Variants in CSN1S1 observed in about 807,000 individuals in gnomAD.
The protein encoded by CSN1S1 is casein alpha s1.
CSN1S1 carries 63 observed loss-of-function variants against 49.1 expected under a neutral mutation model. The ratio of observed to expected loss-of-function variants is 1.28; its 90% CI spans 1.05 to 1.58. The LOEUF (loss-of-function observed/expected upper bound fraction) is 1.58. Among genes scored for constraint, CSN1S1 ranks in the 40% most tolerant of loss-of-function variants. The pLI, the probability that CSN1S1 is intolerant of heterozygous loss-of-function variation, is 0.00. For synonymous variants in CSN1S1, 78 were observed against 67.1 expected, an observed-to-expected ratio of 1.16 and a Z score of -0.79; for missense variants, 260 against 224.7, an observed-to-expected ratio of 1.16 and a Z score of -1.01.
At chr4:69,945,349 C>T (rs779396397) in intron 15 of CSN1S1, among the ~76,000 whole-genome samples, 2 of 151,958 alleles carry the variant, frequency 1.3e-5, no homozygotes, top group Non-Finnish European at 2.9e-5. Flanking sequence ...TAAATGACTT[C>T]CTTCTGGTTA....
intron 9 of CSN1S1, among the ~76,000 whole-genome samples, chr4:69,938,603 A>C (rs1254387289): frequency 6.6e-6 from 1 of 151,756 alleles, no homozygotes; most frequent in Non-Finnish European, 1.5e-5. Flanking sequence ...ATTAAAATTA[A>C]TCTGTTAAAA....
intron 14 of CSN1S1, among the ~76,000 whole-genome samples, chr4:69,944,455 C>G (rs1391092110): frequency 1.3e-5 from 2 of 151,888 alleles, no homozygotes; most frequent in African/African-American, 4.8e-5. Context: ...TACTTTGACC[C>G]CAGTGGCTTT....
chr4:69,932,621 G>A lies in CSN1S1; in HGVS notation c.51+15G>A. The A allele has an allele frequency of 6.3e-7, 1 of 1,585,120 alleles. No homozygotes were observed. The highest frequency in any genetic ancestry group is 8.6e-7 in the Non-Finnish European group (1 of 1,162,564). On this transcript the variant is annotated intron_variant, in intron 2 of 15. Coordinates refer to ENST00000246891, the MANE Select transcript of CSN1S1 (RefSeq NM_001890.2). The stretch of plus-strand genomic sequence containing the variant: ...TTGCCAGGCCTGTAAGTTCAGTAGA[G>A]AATTTAGAAAGTCTTAGACTCTTGT...
chr4:69,931,308 TAC>T (rs1722599521), intron 1 of CSN1S1, among the ~76,000 whole-genome samples, 191 bp downstream of exon 1: 1 of 151,996 alleles, frequency 6.6e-6, no homozygotes, highest in Non-Finnish European at 1.5e-5. Context: ...GATGAATCAA[TAC>T]AGTTTTATAA....
chr4:69,932,439 A>T, intron 1 of CSN1S1, 105 bp from the exon 2 acceptor site: 2 of 905,106 alleles, frequency 2.2e-6, no homozygotes, highest in Non-Finnish European at 3.5e-6. Flanking sequence ...AAATCAGCCT[A>T]CTTTTATCAT....
chr4:69,931,910 A>T (rs573860318), intron 1 of CSN1S1, among the ~76,000 whole-genome samples: 1 of 152,070 alleles, frequency 6.6e-6, no homozygotes, highest in South Asian at 2.1e-4. Flanking sequence ...ATTCTATCCA[A>T]TTCAATCATC....
intron 9 of CSN1S1, among the ~76,000 whole-genome samples, chr4:69,938,250 A>G (rs2109719674): frequency 6.6e-6 from 1 of 151,902 alleles, no homozygotes; most frequent in South Asian, 2.1e-4. Flanking sequence ...AGATTTTTAC[A>G]TGAGTATGTT....
At position 69,931,557 on chromosome 4, in the gene CSN1S1, A is replaced by G. The variant is rs544920590; in HGVS notation, c.-13+440A>G. On this transcript the variant is annotated intron_variant, in intron 1 of 15. Transcript: ENST00000246891. ...TTTGGGCAACAAAATTAACTCTACA[A>G]TGTGAATATCTATTATAGATAATTA... Among the ~76,000 whole-genome samples the G allele has an allele frequency of 2.1e-4, 32 of 152,080 alleles. No homozygotes were observed. In the South Asian group the frequency reaches 5.6e-3, roughly 27 times the overall value.
At chr4:69,936,874 A>T (rs1231222757) in intron 7 of CSN1S1, among the ~76,000 whole-genome samples, 1 of 151,994 alleles carries the variant, frequency 6.6e-6, no homozygotes, top group Non-Finnish European at 1.5e-5. Context: ...TTATGTATTC[A>T]CATTTATCAC....
intron 14 of CSN1S1, among the ~76,000 whole-genome samples, chr4:69,944,163 A>T (rs1723074511): frequency 6.6e-6 from 1 of 152,010 alleles, no homozygotes; most frequent in Non-Finnish European, 1.5e-5. Flanking sequence ...GCTTTTAAAG[A>T]TTTTCCTAAT....
At chr4:69,944,203 A>G (rs750060437) in intron 14 of CSN1S1, among the ~76,000 whole-genome samples, 3 of 152,072 alleles carry the variant, frequency 2.0e-5, no homozygotes, top group Non-Finnish European at 2.9e-5. Flanking sequence ...CTGAATATGT[A>G]GAGAATTATA....
Position 69,934,254 on chromosome 4 carries a change from C to G in CSN1S1, c.84+10C>G, listed in dbSNP as rs1162159426. On this transcript the variant is annotated intron_variant, in intron 3 of 15. Coordinates refer to ENST00000246891, the MANE Select transcript of CSN1S1 (RefSeq NM_001890.2). Reference sequence around the variant, plus strand: ...CCCAGAACGCCTTCAGGTAAATATTCTATTCTGCATTCCAAGAACTCACTC... The same window carrying G: ...CCCAGAACGCCTTCAGGTAAATATTGTATTCTGCATTCCAAGAACTCACTC... 6.2e-7 allele frequency: 1 copy of G among 1,609,590 alleles called. No individual in the cohort carries two copies. Among genetic ancestry groups the G allele is most frequent in the African/African-American group, 1.3e-5 (1 of 74,724 alleles).
chr4:69,940,268 C>G (rs1428807072), intron 11 of CSN1S1, among the ~76,000 whole-genome samples: 1 of 151,540 alleles, frequency 6.6e-6, no homozygotes, highest in East Asian at 1.9e-4. Context: ...TTATCCTTTT[C>G]AATATCTGCT....
intron 13 of CSN1S1, 110 bp downstream of exon 13, chr4:69,942,173 C>A: frequency 1.6e-6 from 1 of 637,402 alleles, no homozygotes; most frequent in Non-Finnish European, 2.5e-6. Flanking sequence ...AGTGTTCTAC[C>A]AACACTATCT....
At chr4:69,942,675 C>T in intron 14 of CSN1S1, 98 bp downstream of exon 14, 2 of 931,616 alleles carry the variant, frequency 2.1e-6, no homozygotes, top group Non-Finnish European at 3.3e-6. Flanking sequence ...AGATTTTTTT[C>T]TTCTCAAACA....
intron 14 of CSN1S1, among the ~76,000 whole-genome samples, chr4:69,943,494 T>A (rs957751743): frequency 2.0e-4 from 31 of 152,010 alleles, no homozygotes; most frequent in Admixed American, 1.4e-3. Flanking sequence ...TAATTATTTT[T>A]AAAAAAAGTG....
At chr4:69,936,296 G>T (rs1377932757) in intron 5 of CSN1S1, among the ~76,000 whole-genome samples, 160 bp from the exon 6 acceptor site, 2 of 151,838 alleles carry the variant, frequency 1.3e-5, no homozygotes, top group South Asian at 4.1e-4. Context: ...GACCACTTAA[G>T]GTTAGAAATG....
At position 69,939,037 on chromosome 4, in the gene CSN1S1, G is replaced by A. The variant is rs995861712; in HGVS notation, c.244-139G>A. On this transcript the variant is annotated intron_variant, in intron 9 of 15. Coordinates refer to ENST00000246891, the MANE Select transcript of CSN1S1 (RefSeq NM_001890.2). ...TCACACTCCAAGAAAATACAATGTA[G>A]TACGCCTGAATTTTTCCATACCACT... is the stretch of plus-strand genomic sequence containing the variant. The A allele has an allele frequency of 5.9e-6, 3 of 510,476 alleles. No homozygotes were observed. The Admixed American group carries it at 1.1e-4, about 18-fold the overall frequency. 31.6% of individuals were successfully genotyped at this position (510,476 alleles called of 1,614,324 possible). A position where few individuals can be genotyped will look rare whatever the true frequency, so the allele number is the denominator to read the frequency against.
chr4:69,937,946 G>A, intron 9 of CSN1S1, 123 bp downstream of exon 9: 1 of 569,076 alleles, frequency 1.8e-6, no homozygotes, highest in Non-Finnish European at 2.9e-6. Flanking sequence ...ATTTTAAAAT[G>A]TTAACATTTT....
Sources: allele counts gnomAD v4.1 joint callset (sites outside exome capture counted in the v4.1 genomes callset), GRCh38; gene constraint gnomAD v4.1.1; transcripts MANE v1.5; gene names NCBI Gene and HGNC (gene_info 2026-07-23, HGNC 2026-07-21).